Variants in CCDC171 observed in about 807,000 individuals in gnomAD.
The protein encoded by CCDC171 is coiled-coil domain-containing protein 171.
In CCDC171, 177 loss-of-function variants were observed where a neutral mutation model predicts 168.2. The ratio of observed to expected loss-of-function variants is 1.05; its 90% confidence interval spans 0.93 to 1.19. CCDC171 has a LOEUF of 1.19. CCDC171 is among the 50% of genes most tolerant of loss of function. The pLI is 0.00. For missense variants in CCDC171, 1,991 were observed against 1,539.0 expected, an observed-to-expected ratio of 1.29 and a Z score of -4.91; for synonymous variants, 687 against 540.8, an observed-to-expected ratio of 1.27 and a Z score of -3.75.
chr9:15,586,271 G>A (rs148363660), intron 4 of CCDC171, among the ~76,000 whole-genome samples: 10 of 152,286 alleles, frequency 6.6e-5, no homozygotes, highest in African/African-American at 2.4e-4. Flanking sequence ...TAGATATATG[G>A]ATGTTCACTG....
chr9:16,041,013 G>C (rs983529886), upstream of CCDC171, among the ~76,000 whole-genome samples: 1 of 151,904 alleles, frequency 6.6e-6, no homozygotes, highest in Non-Finnish European at 1.5e-5. Context: ...AGTTCTTAAT[G>C]AGCAGCTACT....
At chr9:15,949,265 C>T (rs1264157061) in intron 25 of CCDC171, among the ~76,000 whole-genome samples, 1 of 152,024 alleles carries the variant, frequency 6.6e-6, no homozygotes, top group Non-Finnish European at 1.5e-5. Flanking sequence ...ATGATGCCTC[C>T]AGCTTTGTTT....
At chr9:15,903,486 GA>G (rs1160740860) in intron 24 of CCDC171, among the ~76,000 whole-genome samples, 1 of 149,652 alleles carries the variant, frequency 6.7e-6, no homozygotes, top group Non-Finnish European at 1.5e-5. Flanking sequence ...CTGTTAGAAG[GA>G]AAACTAACAG....
intron 18 of CCDC171, among the ~76,000 whole-genome samples, chr9:15,748,406 A>G (rs531869575): frequency 6.6e-6 from 1 of 152,338 alleles, no homozygotes; most frequent in African/African-American, 2.4e-5. Context: ...TTTTCAGGAT[A>G]TTATCGAGGA....
intron 21 of CCDC171, among the ~76,000 whole-genome samples, chr9:15,816,899 A>G (rs1326432020): frequency 8.4e-6 from 1 of 118,842 alleles, no homozygotes; most frequent in East Asian, 2.1e-4. Context: ...TCACTATTAA[A>G]AGTTAAGATG....
chr9:15,975,466 GACAAA>G (rs1831592999), downstream of CCDC171, among the ~76,000 whole-genome samples: 1 of 152,128 alleles, frequency 6.6e-6, no homozygotes, highest in South Asian at 2.1e-4. Context: ...GAATTGATTA[GACAAA>G]ACAAAATACA....
chr9:15,934,319 A>G (rs968168458), intron 25 of CCDC171, among the ~76,000 whole-genome samples: 2 of 148,826 alleles, frequency 1.3e-5, no homozygotes, highest in African/African-American at 2.5e-5. Context: ...GAGCCCAGGA[A>G]TTGAAGGCTG....
chr9:15,979,613 C>G (rs1831730421), intron 3 of CCDC171, among the ~76,000 whole-genome samples: 1 of 152,026 alleles, frequency 6.6e-6, no homozygotes, highest in Non-Finnish European at 1.5e-5. Context: ...ACACGTTAAA[C>G]CAATCTTGCC....
At chr9:15,558,199 T>C (rs1000436192) in intron 1 of CCDC171, among the ~76,000 whole-genome samples, 1 of 152,116 alleles carries the variant, frequency 6.6e-6, no homozygotes. Flanking sequence ...TAAAATTCTC[T>C]TTTTTTGTTG....
At chr9:15,911,077 G>A (rs527529532) in intron 24 of CCDC171, among the ~76,000 whole-genome samples, 14 of 152,048 alleles carry the variant, frequency 9.2e-5, no homozygotes, top group Non-Finnish European at 2.1e-4. Flanking sequence ...GGGATGGCTG[G>A]GTCAAATGGT....
intron 7 of CCDC171, among the ~76,000 whole-genome samples, chr9:15,654,712 C>T (rs1011082302): frequency 2.6e-5 from 4 of 152,054 alleles, no homozygotes; most frequent in Non-Finnish European, 5.9e-5. Flanking sequence ...GTCTATAGCT[C>T]CCAGCGTGAG....
chr9:15,691,857 T>C (rs2050823725), intron 10 of CCDC171, among the ~76,000 whole-genome samples: 1 of 151,966 alleles, frequency 6.6e-6, no homozygotes, highest in East Asian at 1.9e-4. Flanking sequence ...TTTCATTTTT[T>C]TGTAGAGATG....
chr9:15,948,837 T>G (rs896245777), intron 25 of CCDC171, among the ~76,000 whole-genome samples: 20 of 151,394 alleles, frequency 1.3e-4, no homozygotes, highest in African/African-American at 4.8e-4. Flanking sequence ...TTAGATCCCA[T>G]TTGTCAATTT....
intron 10 of CCDC171, among the ~76,000 whole-genome samples, chr9:15,692,802 C>A (rs1461670064): frequency 6.7e-6 from 1 of 149,482 alleles, no homozygotes; most frequent in African/African-American, 2.4e-5. Flanking sequence ...GCTGGGATTA[C>A]AGGCGTGAGC....
intron 1 of CCDC171, among the ~76,000 whole-genome samples, chr9:16,056,736 C>T (rs1833848723): frequency 1.3e-5 from 2 of 152,174 alleles, no homozygotes; most frequent in Admixed American, 1.3e-4. Context: ...GATCTGCCTG[C>T]CTTGGTTTCC....
intron 20 of CCDC171, among the ~76,000 whole-genome samples, chr9:15,783,753 G>C (rs2057790932): frequency 6.6e-6 from 1 of 152,164 alleles, no homozygotes; most frequent in South Asian, 2.1e-4. Flanking sequence ...GCAGAGTACT[G>C]TGCCCTCCAA....
At position 15,971,618 on chromosome 9, in the gene CCDC171, C is replaced by T. The variant is rs75833586; in HGVS notation, c.3763C>T (p.Arg1255Ter). 1.2e-5 allele frequency: 19 copies of T among 1,611,346 alleles called. No homozygotes were observed. The highest frequency in any genetic ancestry group is 5.0e-5 in the Admixed American group (3 of 59,970). Residue 1255 changes from arginine (R) to a stop codon, truncating the protein, a stop_gained, in exon 26 of 26, where the codon CGA becomes TGA. Transcript: ENST00000380701. LOFTEE classifies it high-confidence loss of function. The stretch of plus-strand genomic sequence containing the variant: ...CTTTTGTATGTCACAGATAGGATCA[C>T]GAGACCATTCAAATCTCTCCATTCC... Reference protein sequence around the residue: ...ENASLQSIGSRDHSNLSIPSR... With the variant: ...ENASLQSIGS
At chr9:15,992,931 A>G (rs1564107056) in intron 3 of CCDC171, among the ~76,000 whole-genome samples, 1 of 152,194 alleles carries the variant, frequency 6.6e-6, no homozygotes, top group Non-Finnish European at 1.5e-5. Context: ...ACCACTGCTC[A>G]ACAAAATAAA....
In CCDC171 at chr9:15,971,742, T is replaced by A. The variant is rs763471189; in HGVS notation, c.3887T>A (p.Phe1296Tyr). 4.3e-6 allele frequency: 7 copies of A among 1,613,988 alleles called. No homozygotes were observed. Among genetic ancestry groups the A allele is most frequent in the Non-Finnish European group, 5.1e-6 (6 of 1,179,916 alleles). ...ACTTACACTTTCTTAAAGGAGACAT[T>A]TATAAATACTGTGCCCCATGCTCTG... ...DTTYTFLKET[F>Y]INTVPHALTS... The change falls in exon 26 of 26, where the codon TTT (phenylalanine) becomes TAT (tyrosine). Residue 1296 changes from phenylalanine (F) to tyrosine (Y), a missense_variant. By Grantham distance (22) the Phe-to-Tyr change is conservative. Coordinates refer to ENST00000380701, the MANE Select transcript of CCDC171 (RefSeq NM_173550.4).
Sources: gnomAD v4.1 joint callset for allele counts (sites outside exome capture counted in the v4.1 genomes callset) on GRCh38, gnomAD v4.1.1 for gene constraint, MANE v1.5 for transcripts, NCBI Gene and HGNC (gene_info 2026-07-23, HGNC 2026-07-21) for gene names.